The following SEMA3A variants were observed in gnomAD, a reference collection of about 807,000 sequenced individuals.
The protein encoded by SEMA3A is semaphorin 3A, also known as semaphorin-3A.
A neutral mutation model predicts 97.9 loss-of-function variants in SEMA3A; 29 were observed. That is an observed-to-expected ratio of 0.30 (90% CI 0.22 to 0.40). The LOEUF (loss-of-function observed/expected upper bound fraction) is 0.40. SEMA3A is among the 10% of genes least tolerant of loss of function. The pLI, the probability that SEMA3A is intolerant of heterozygous loss-of-function variation, is 1.00. For missense variants in SEMA3A, 763 were observed against 951.3 expected, an observed-to-expected ratio of 0.80 and a Z score of 2.60; for synonymous variants, 321 against 323.7, an observed-to-expected ratio of 0.99 and a Z score of 0.09.
intron 7 of SEMA3A, among the ~76,000 whole-genome samples, chr7:84,013,752 C>T (rs1056286754): frequency 5.3e-5 from 8 of 152,146 alleles, no homozygotes; most frequent in African/African-American, 9.6e-5. Flanking sequence ...GAGGCTGAAG[C>T]GGGAGAATCA....
chr7:84,007,359 T>C lies in SEMA3A; in HGVS notation c.1134A>G (p.Pro378=), dbSNP rs2116402000. 1 of 1,601,098 alleles carries C rather than the reference T, an allele frequency of 6.2e-7. No individual in the cohort carries two copies. Among genetic ancestry groups the C allele is most frequent in the African/African-American group, 1.3e-5 (1 of 74,482 alleles). Residue 378 remains proline, a synonymous_variant, in exon 10 of 17, where the codon CCA becomes CCG. Coordinates refer to ENST00000265362, the MANE Select transcript of SEMA3A (RefSeq NM_006080.3). ...PYQGRVPYPR[P]GTCPSKTFGG... ...AAACACCTAAGCTACTTACAGTTCC[T>C]GGCCGTGGATAGGGGACTCTTCCTT...
chr7:83,995,036 C>T (rs559874178), intron 12 of SEMA3A, among the ~76,000 whole-genome samples: 68 of 152,150 alleles, frequency 4.5e-4, no homozygotes, highest in Middle Eastern at 3.4e-3. Flanking sequence ...TTTTTTAAGC[C>T]CGTCGGAAAA....
chr7:84,226,774 A>C (rs1049100022), intron 3 of SEMA3A, among the ~76,000 whole-genome samples: 4 of 152,134 alleles, frequency 2.6e-5, no homozygotes, highest in Non-Finnish European at 5.9e-5. Context: ...TCAAAAAGCA[A>C]GATAATTTTG....
intron 1 of SEMA3A, among the ~76,000 whole-genome samples, chr7:84,163,535 G>A (rs1333943916): frequency 6.6e-6 from 1 of 152,018 alleles, no homozygotes; most frequent in Non-Finnish European, 1.5e-5. Context: ...TGATATCAAC[G>A]ACGCATAGAA....
At chr7:84,492,376 C>G (rs1806756524) in intron 1 of SEMA3A, 1 of 152,070 alleles carries the variant, frequency 6.6e-6, no homozygotes, top group South Asian at 2.1e-4. Context: ...TTCACTTTTG[C>G]ACAGTCTTTA....
At chr7:83,984,138 A>G (rs1463497780) in intron 13 of SEMA3A, among the ~76,000 whole-genome samples, 2 of 152,166 alleles carry the variant, frequency 1.3e-5, no homozygotes, top group African/African-American at 4.8e-5. Flanking sequence ...GTTTACAAAA[A>G]TAGACGTGGA....
rs1206547113 is a variant in SEMA3A at position 83,977,143 on chromosome 7, T to C, written c.1706A>G (p.Asp569Gly). The C allele has an allele frequency of 6.3e-7, 1 of 1,579,428 alleles. No individual in the cohort carries two copies. Among genetic ancestry groups the C allele is most frequent in the Admixed American group, 1.7e-5 (1 of 57,178 alleles). The change falls in exon 15 of 17, where the codon GAC (aspartate) becomes GGC (glycine). Residue 569 changes from aspartate (D) to glycine (G), a missense_variant. Asp to Gly is a moderately conservative substitution (Grantham distance 94, BLOSUM62 -1). Transcript: ENST00000265362. Reference protein sequence around the residue: ...RNGDPLTHCSDLHHDNHHGHS... With the variant: ...RNGDPLTHCSGLHHDNHHGHS... ...AAAATGTGACTTACCATGGTGTAAG[T>C]CTGAACAGTGAGTCAGTGGGTCTCC...
At chr7:84,171,177 G>A (rs1470624778) in intron 1 of SEMA3A, among the ~76,000 whole-genome samples, 2 of 152,070 alleles carry the variant, frequency 1.3e-5, no homozygotes, top group African/African-American at 4.8e-5. Flanking sequence ...AACACATACT[G>A]CTTATTTCTG....
chr7:84,263,288 G>A (rs1799903800), intron 3 of SEMA3A, among the ~76,000 whole-genome samples: 1 of 152,166 alleles, frequency 6.6e-6, no homozygotes, highest in Non-Finnish European at 1.5e-5. Context: ...AATACTTGAG[G>A]TCTGGAAGTC....
intron 2 of SEMA3A, among the ~76,000 whole-genome samples, chr7:84,334,884 C>T (rs530768692): frequency 2.8e-4 from 43 of 151,502 alleles, no homozygotes; most frequent in African/African-American, 9.9e-4. Context: ...CCCCTAAGTC[C>T]CACGCCTCAT....
intron 3 of SEMA3A, among the ~76,000 whole-genome samples, chr7:84,270,271 T>C (rs1217035315): frequency 6.6e-6 from 1 of 152,030 alleles, no homozygotes; most frequent in East Asian, 1.9e-4. Context: ...CTGAAACATC[T>C]GTGTGTCAAG....
chr7:84,406,954 GA>G (rs1351528969), intron 1 of SEMA3A, among the ~76,000 whole-genome samples: 1 of 152,108 alleles, frequency 6.6e-6, no homozygotes, highest in African/African-American at 2.4e-5. Context: ...ATACTGAATG[GA>G]CAAAAACTGG....
At chr7:84,461,019 T>C (rs1805824337) in intron 1 of SEMA3A, among the ~76,000 whole-genome samples, 2 of 152,312 alleles carry the variant, frequency 1.3e-5, no homozygotes, top group Non-Finnish European at 2.9e-5. Flanking sequence ...ATTCCAATAC[T>C]TTTAAAATAC....
intron 3 of SEMA3A, among the ~76,000 whole-genome samples, chr7:84,259,991 G>C (rs1799810692): frequency 6.6e-6 from 1 of 152,114 alleles, no homozygotes; most frequent in South Asian, 2.1e-4. Flanking sequence ...CGTGTCAGGT[G>C]CCTACTGCCT....
intron 1 of SEMA3A, among the ~76,000 whole-genome samples, chr7:84,490,353 T>G (rs915697472): frequency 6.6e-6 from 1 of 152,152 alleles, no homozygotes; most frequent in Non-Finnish European, 1.5e-5. Context: ...AAAATCATTA[T>G]CTTTTTGAGT....
At chr7:84,158,878 G>C (rs1269780642) in intron 1 of SEMA3A, among the ~76,000 whole-genome samples, 1 of 149,582 alleles carries the variant, frequency 6.7e-6, no homozygotes. Flanking sequence ...AAAATTTGTA[G>C]ATTTTCTTTA....
At chr7:84,162,683 G>T (rs1797074966) in intron 1 of SEMA3A, among the ~76,000 whole-genome samples, 1 of 152,040 alleles carries the variant, frequency 6.6e-6, no homozygotes, top group East Asian at 1.9e-4. Flanking sequence ...AACAGGCTGG[G>T]AAGGAGTCAT....
intron 2 of SEMA3A, among the ~76,000 whole-genome samples, chr7:84,315,808 T>C (rs1413896105): frequency 6.6e-6 from 1 of 152,084 alleles, no homozygotes; most frequent in Non-Finnish European, 1.5e-5. Flanking sequence ...GTTTTGATGC[T>C]ATTTAATTTT....
intron 7 of SEMA3A, among the ~76,000 whole-genome samples, chr7:84,013,497 A>G (rs1450126266): frequency 2.0e-5 from 3 of 151,902 alleles, no homozygotes; most frequent in Non-Finnish European, 2.9e-5. Context: ...TGTAAAAACG[A>G]GCTTTCATGT....
Sources: allele counts gnomAD v4.1 joint callset (sites outside exome capture counted in the v4.1 genomes callset), GRCh38; gene constraint gnomAD v4.1.1; transcripts MANE v1.5; gene names NCBI Gene and HGNC (gene_info 2026-07-23, HGNC 2026-07-21).